Variants in SETD3 observed in about 807,000 individuals in gnomAD.
SETD3 encodes SET domain containing 3, actin N3(tau)-histidine methyltransferase, also known as actin-histidine N-methyltransferase.
Under a neutral mutation model 63.0 loss-of-function variants are expected in SETD3, and 19 were observed. The ratio of observed to expected loss-of-function variants is 0.30; its 90% CI spans 0.21 to 0.44. The LOEUF (loss-of-function observed/expected upper bound fraction) is 0.44, where lower values mean the gene tolerates loss of function less well. Among genes scored for constraint, SETD3 ranks in the 20% least tolerant of loss-of-function variants. The pLI, the probability that SETD3 is intolerant of heterozygous loss-of-function variation, is 1.00. For synonymous variants in SETD3, 286 were observed against 264.1 expected, an observed-to-expected ratio of 1.08 and a Z score of -0.80; for missense variants, 587 against 728.5, an observed-to-expected ratio of 0.81 and a Z score of 2.24.
chr14:99,413,174 C>A lies in SETD3; in HGVS notation c.735-109G>T, dbSNP rs1892099581. The stretch of plus-strand genomic sequence containing the variant: ...TTGATCTCTTACAAACGTACAAAGT[C>A]TTTTCCTAAGTAACAAAGGTAATGT... On this transcript the variant is annotated intron_variant, in intron 7 of 12. Transcript: ENST00000331768. The A allele has an allele frequency of 6.3e-6, 4 of 634,934 alleles. No homozygotes were observed. In the East Asian group the frequency reaches 1.1e-4, roughly 18 times the overall value. 39.3% of individuals were successfully genotyped at this position (634,934 alleles called of 1,614,324 possible).
At chr14:99,446,729 AG>A (rs1894149935) in intron 6 of SETD3, among the ~76,000 whole-genome samples, 1 of 152,156 alleles carries the variant, frequency 6.6e-6, no homozygotes, top group Non-Finnish European at 1.5e-5. Flanking sequence ...GAGGAAGAGG[AG>A]GAAGGCCATG....
intron 6 of SETD3, among the ~76,000 whole-genome samples, chr14:99,416,972 G>A (rs564395466): frequency 1.3e-5 from 2 of 152,206 alleles, no homozygotes; most frequent in South Asian, 4.1e-4. Context: ...TAATCACTAC[G>A]TTTGGGAAAG....
At chr14:99,454,573 G>A (rs1036650155) in intron 6 of SETD3, among the ~76,000 whole-genome samples, 1 of 152,198 alleles carries the variant, frequency 6.6e-6, no homozygotes, top group Non-Finnish European at 1.5e-5. Context: ...CATGGCCTGA[G>A]GGTCAAACAC....
chr14:99,481,491 A>G, upstream of SETD3: 1 of 398,626 alleles, frequency 2.5e-6, no homozygotes, highest in East Asian at 3.6e-5. Context: ...TGAGTGACCC[A>G]CCGACTGAGG....
intron 7 of SETD3, 118 bp downstream of exon 7, chr14:99,413,758 G>T: frequency 1.1e-6 from 1 of 888,760 alleles, no homozygotes; most frequent in Non-Finnish European, 1.8e-6. Flanking sequence ...AGCTCTGTTT[G>T]GATGCTTTAA....
chr14:99,423,588 CAAAAAAAAAAA>C lies in SETD3; in HGVS notation c.676-9665_676-9655del, dbSNP rs536996347. Among the ~76,000 whole-genome samples, 62 of 36,900 alleles carry C rather than the reference CAAAAAAAAAAA, an allele frequency of 1.7e-3. 3 individuals are homozygous for C. In the South Asian group the frequency reaches 0.035, roughly 21 times the overall value. 24.2% of individuals were successfully genotyped at this position (36,900 alleles called of 152,430 possible). ...CAGAAGGCTCTTAAGCACTGTTATG[CAAAAAAAAAAA>C]AAAAAAAAAAAAAAAGAGCAGGCAC... On this transcript the variant is annotated intron_variant, in intron 6 of 12. Transcript: ENST00000331768.
At chr14:99,448,083 G>A (rs1249973901) in intron 6 of SETD3, among the ~76,000 whole-genome samples, 1 of 152,192 alleles carries the variant, frequency 6.6e-6, no homozygotes, top group Admixed American at 6.5e-5. Flanking sequence ...GACTAAGACA[G>A]TGGTTTGGTG....
chr14:99,411,564 A>G (rs1207967813), intron 8 of SETD3: 1 of 152,192 alleles, frequency 6.6e-6, no homozygotes, highest in Non-Finnish European at 1.5e-5. Flanking sequence ...GCCAAGCATT[A>G]TTGCTTTAAT....
At chr14:99,411,953 T>C (rs746902546) in intron 8 of SETD3, 5 of 152,242 alleles carry the variant, frequency 3.3e-5, no homozygotes, top group Non-Finnish European at 7.3e-5. Flanking sequence ...GGATATTCTG[T>C]CTTCAGTGTC....
At chr14:99,428,699 GA>G (rs1214606606) in intron 6 of SETD3, among the ~76,000 whole-genome samples, 1 of 152,128 alleles carries the variant, frequency 6.6e-6, no homozygotes, top group African/African-American at 2.4e-5. Flanking sequence ...AAAATGTGGG[GA>G]GGGGGTAGGT....
chr14:99,404,331 G>T (rs576895482), intron 10 of SETD3, 21 bp from the exon 11 acceptor site: 2 of 1,609,640 alleles, frequency 1.2e-6, no homozygotes, highest in Admixed American at 1.7e-5. Context: ...CAGAAAGCAA[G>T]ATCAGTCACC....
chr14:99,406,634 C>T (rs374379426), intron 8 of SETD3, 44 bp from the exon 9 acceptor site: 22 of 1,548,604 alleles, frequency 1.4e-5, no homozygotes, highest in Admixed American at 3.3e-5. Flanking sequence ...GGCAAACACA[C>T]GCACATCTCA....
At chr14:99,419,836 C>T (rs1308997526) in intron 6 of SETD3, among the ~76,000 whole-genome samples, 2 of 151,752 alleles carry the variant, frequency 1.3e-5, no homozygotes, top group Non-Finnish European at 2.9e-5. Flanking sequence ...CTATGATGGG[C>T]AACCAATTAT....
chr14:99,444,983 C>T (rs1894050897), intron 6 of SETD3, among the ~76,000 whole-genome samples: 1 of 152,166 alleles, frequency 6.6e-6, no homozygotes, highest in Non-Finnish European at 1.5e-5. Flanking sequence ...AAGATATGGT[C>T]CACCTGGAGT....
intron 6 of SETD3, among the ~76,000 whole-genome samples, chr14:99,450,961 C>G (rs756154984): frequency 2.6e-5 from 4 of 152,188 alleles, no homozygotes; most frequent in African/African-American, 4.8e-5. Flanking sequence ...CACGTCACAG[C>G]ACTGGGCCCA....
chr14:99,478,498 G>T (rs1896088495), intron 1 of SETD3, among the ~76,000 whole-genome samples: 1 of 152,102 alleles, frequency 6.6e-6, no homozygotes, highest in South Asian at 2.1e-4. Context: ...CCCTACTTCG[G>T]ATTTGTGATA....
intron 6 of SETD3, among the ~76,000 whole-genome samples, chr14:99,427,717 G>GA (rs1892959681): frequency 6.6e-6 from 1 of 152,212 alleles, no homozygotes; most frequent in African/African-American, 2.4e-5. Context: ...GCAAGGCATT[G>GA]TGGGGGGACA....
chr14:99,458,215 G>A (rs772223016), intron 6 of SETD3, 64 bp downstream of exon 6: 186 of 1,509,202 alleles, frequency 1.2e-4, no homozygotes, highest in Non-Finnish European at 1.6e-4. Context: ...AATATTTATG[G>A]ACTCAATTCC....
chr14:99,421,314 ATAATATATTG>A (rs1892586231), intron 6 of SETD3, among the ~76,000 whole-genome samples: 1 of 152,104 alleles, frequency 6.6e-6, no homozygotes, highest in Non-Finnish European at 1.5e-5. Flanking sequence ...CACCAGTTTC[ATAATATATTG>A]TTTTAGTTTT....
Sources: gnomAD v4.1 joint callset for allele counts (sites outside exome capture counted in the v4.1 genomes callset) on GRCh38, gnomAD v4.1.1 for gene constraint, MANE v1.5 for transcripts, NCBI Gene and HGNC (gene_info 2026-07-23, HGNC 2026-07-21) for gene names.